The following NXPE1 variants were observed in gnomAD, a reference collection of about 807,000 sequenced individuals.
NXPE1 encodes NXPE family member 1.
NXPE1 carries 31 observed loss-of-function variants against 33.3 expected under a neutral mutation model. The ratio of observed to expected loss-of-function variants is 0.93; its 90% CI spans 0.70 to 1.26. The LOEUF (loss-of-function observed/expected upper bound fraction) is 1.26. Among genes scored for constraint, NXPE1 ranks in the 50% most tolerant of loss-of-function variants. NXPE1 has a pLI of 0.00. For synonymous variants in NXPE1, 229 were observed against 231.4 expected, an observed-to-expected ratio of 0.99 and a Z score of 0.09; for missense variants, 661 against 655.6, an observed-to-expected ratio of 1.01 and a Z score of -0.09.
At chr11:114,558,942 T>C (rs1948717317) in intron 1 of NXPE1, among the ~76,000 whole-genome samples, 1 of 152,168 alleles carries the variant, frequency 6.6e-6, no homozygotes, top group Admixed American at 6.5e-5. Flanking sequence ...TTAATATGTA[T>C]TACTATGAAA....
At chr11:114,531,313 C>T (rs1947574281) in intron 5 of NXPE1, among the ~76,000 whole-genome samples, 1 of 152,092 alleles carries the variant, frequency 6.6e-6, no homozygotes, top group Non-Finnish European at 1.5e-5. Context: ...ATATGCCTTA[C>T]ATCCAGTAAC....
At chr11:114,543,201 CA>C (rs1343644677) in intron 5 of NXPE1, among the ~76,000 whole-genome samples, 1 of 151,914 alleles carries the variant, frequency 6.6e-6, no homozygotes, top group African/African-American at 2.4e-5. Flanking sequence ...ACTAAAAATA[CA>C]AAAATTAGTT....
intron 6 of NXPE1, 98 bp from the exon 7 acceptor site, chr11:114,527,999 T>G (rs1947432826): frequency 3.8e-6 from 3 of 779,816 alleles, no homozygotes; most frequent in Non-Finnish European, 6.2e-6. Flanking sequence ...TTTAGTTTTC[T>G]ATAACTGGAA....
Position 114,527,878 on chromosome 11 carries a change from A to G in NXPE1, c.857T>C (p.Met286Thr), listed in dbSNP as rs765713906. ...GACATCAATGTGTTTACGATCCTTCATCATTTCAACTCCCACTTTGGACCT... is the reference window on the plus strand; with the variant it reads ...GACATCAATGTGTTTACGATCCTTCGTCATTTCAACTCCCACTTTGGACCT... Residue 286 changes from methionine to threonine, a missense_variant, in exon 7 of 9, where the codon ATG (methionine) becomes ACG (threonine). Met to Thr is a moderately conservative substitution (Grantham distance 81). Coordinates refer to ENST00000534921, the Ensembl canonical transcript of NXPE1. The G allele has an allele frequency of 5.0e-6, 8 of 1,604,152 alleles. No individual in the cohort carries two copies. In the South Asian group the frequency reaches 5.6e-5, roughly 11 times the overall value.
chr11:114,542,089 G>T (rs957308103), intron 5 of NXPE1, among the ~76,000 whole-genome samples: 1 of 152,044 alleles, frequency 6.6e-6, no homozygotes, highest in Non-Finnish European at 1.5e-5. Flanking sequence ...TTTTGCTAGG[G>T]TCATTCACAT....
At chr11:114,553,455 T>C (rs1295693029) in intron 1 of NXPE1, among the ~76,000 whole-genome samples, 3 of 152,174 alleles carry the variant, frequency 2.0e-5, no homozygotes, top group Non-Finnish European at 2.9e-5. Flanking sequence ...TTGGTTAGAG[T>C]TGGCTCCTTT....
chr11:114,530,380 C>G (rs1054895226), exon 6 of NXPE1: 1 of 1,614,194 alleles, frequency 6.2e-7, no homozygotes, highest in Non-Finnish European at 8.5e-7. Flanking sequence ...GTGCCATTAA[C>G]AAATTTGCCT....
intron 6 of NXPE1, chr11:114,528,866 T>A: frequency 1.5e-6 from 1 of 645,312 alleles, no homozygotes. Flanking sequence ...GTTTTCATCC[T>A]TACTAGGATT....
intron 7 of NXPE1, among the ~76,000 whole-genome samples, chr11:114,526,105 T>C (rs1947360739): frequency 6.6e-6 from 1 of 152,154 alleles, no homozygotes; most frequent in African/African-American, 2.4e-5. Flanking sequence ...CCCTCTGCTG[T>C]GGCTTTGAAG....
rs565795293 is a variant in NXPE1 at position 114,523,205 on chromosome 11, C to CT, written c.896-115dup. ...TCCCCCTTCCTGTAATGCCTATTTC[C>CT]TTTTTCTGTCCCTTTCTAGTCCTAT... On this transcript the variant is annotated intron_variant, in intron 7 of 8. Transcript: ENST00000534921. 3.3e-4 allele frequency: 232 copies of CT among 706,516 alleles called. 1 individual carries two copies. The African/African-American group carries it at 3.7e-3, about 11-fold the overall frequency. 43.8% of individuals were successfully genotyped at this position (706,516 alleles called of 1,614,324 possible). A position where few individuals can be genotyped will look rare whatever the true frequency, so the allele number is the denominator to read the frequency against.
At chr11:114,548,695 A>G (rs1225300729) in intron 5 of NXPE1, among the ~76,000 whole-genome samples, 2 of 152,028 alleles carry the variant, frequency 1.3e-5, no homozygotes, top group African/African-American at 4.8e-5. Context: ...TTAAGTACCT[A>G]TGTAAATGAG....
rs1565295010 is a variant in NXPE1, at chr11:114,522,870, A to G, written c.1108+9T>C. 1.9e-6 allele frequency: 3 copies of G among 1,579,270 alleles called. No homozygotes were observed. Among genetic ancestry groups the G allele is most frequent in the Admixed American group, 3.3e-5 (2 of 59,920 alleles). On this transcript the variant is annotated intron_variant, in intron 8 of 8. Coordinates refer to ENST00000534921, the Ensembl canonical transcript of NXPE1. ...TGAATTTCTAAGAGAATATAAAGTAACTACCTACTTTTTACAACTTTGGGG... is the reference window on the plus strand; with the variant it reads ...TGAATTTCTAAGAGAATATAAAGTAGCTACCTACTTTTTACAACTTTGGGG...
At chr11:114,535,441 T>A (rs1947775133) in intron 5 of NXPE1, among the ~76,000 whole-genome samples, 2 of 152,076 alleles carry the variant, frequency 1.3e-5, no homozygotes, top group Admixed American at 6.5e-5. Flanking sequence ...ATACTAACCA[T>A]AAATGTAAAT....
chr11:114,545,432 A>G (rs1328593604), intron 5 of NXPE1, among the ~76,000 whole-genome samples: 2 of 152,016 alleles, frequency 1.3e-5, no homozygotes, highest in Middle Eastern at 3.4e-3. Context: ...GTGAATCTTA[A>G]ATGCATAATG....
intron 5 of NXPE1, among the ~76,000 whole-genome samples, chr11:114,534,801 C>G (rs1399811883): frequency 1.3e-5 from 2 of 152,272 alleles, no homozygotes; most frequent in East Asian, 3.9e-4. Flanking sequence ...AAATCTACGT[C>G]TAATTGGTGT....
rs1305812489 is a variant in NXPE1 at position 114,521,728 on chromosome 11, A to G, written c.*240T>C. 3.2e-5 allele frequency: 14 copies of G among 435,120 alleles called. No individual in the cohort carries two copies. In the South Asian group the frequency reaches 7.0e-4, roughly 22 times the overall value. 27.0% of individuals were successfully genotyped at this position (435,120 alleles called of 1,614,324 possible). ...AGCTTAATAACATGGCTTTTAAAAA[A>G]CTTTTTTAATATTTTAAACGAGCAT... is the stretch of plus-strand genomic sequence containing the variant. On this transcript the variant is annotated 3_prime_UTR_variant, in exon 9 of 9. Transcript: ENST00000534921.
At chr11:114,552,997 T>G (rs1466845962) in intron 1 of NXPE1, 117 bp from the exon 2 acceptor site, 1 of 297,176 alleles carries the variant, frequency 3.4e-6, no homozygotes, top group Non-Finnish European at 5.0e-6. Context: ...TCTTCTAAGC[T>G]CCTGAGTCTT....
At chr11:114,559,560 C>T (rs1347679071) in intron 1 of NXPE1, among the ~76,000 whole-genome samples, 2 of 152,022 alleles carry the variant, frequency 1.3e-5, no homozygotes, top group African/African-American at 4.8e-5. Context: ...GATGCTGTCT[C>T]ACCGTCAAAA....
intron 8 of NXPE1, 76 bp downstream of exon 8, chr11:114,522,803 C>T (rs949644136): frequency 3.8e-5 from 39 of 1,039,672 alleles, no homozygotes; most frequent in Middle Eastern, 2.2e-4. Context: ...ATAGCTCAAA[C>T]GAGAGAATAG....
Sources: allele counts gnomAD v4.1 joint callset (sites outside exome capture counted in the v4.1 genomes callset), GRCh38; gene constraint gnomAD v4.1.1; transcripts MANE v1.5; gene names NCBI Gene and HGNC (gene_info 2026-07-23, HGNC 2026-07-21).